The following NALF1 variants were observed in gnomAD, a reference collection of about 807,000 sequenced individuals.
NALF1 encodes NALCN channel auxiliary factor 1, also known as family with sequence similarity 155 member A.
Under a neutral mutation model 48.4 loss-of-function variants are expected in NALF1, and 3 were observed. The observed-to-expected ratio is 0.06, with a 90% CI of 0.03 to 0.16. The LOEUF (loss-of-function observed/expected upper bound fraction) is 0.16. Among genes scored for constraint, NALF1 ranks in the 10% least tolerant of loss-of-function variants. The probability of loss-of-function intolerance (pLI) is 1.00; values close to 1 mark genes in which losing one functional copy is unlikely to be tolerated. For missense variants in NALF1, 526 were observed against 571.5 expected (o/e 0.92, Z 0.81); for synonymous variants, 262 against 245.7 (o/e 1.07, Z -0.62).
intron 1 of NALF1, among the ~76,000 whole-genome samples, chr13:107,727,608 C>T (rs1376391533): frequency 6.6e-6 from 1 of 152,202 alleles, no homozygotes; most frequent in Non-Finnish European, 1.5e-5. Flanking sequence ...CCATTCAGGA[C>T]ACAGGCATGG....
At chr13:107,591,486 A>G (rs1021232856) in intron 1 of NALF1, among the ~76,000 whole-genome samples, 1 of 152,040 alleles carries the variant, frequency 6.6e-6, no homozygotes, top group African/African-American at 2.4e-5. Context: ...ATACACATCA[A>G]TTAAATGCCA....
At position 107,210,743 on chromosome 13, in the gene NALF1, C is replaced by A. The variant is rs1488133354; in HGVS notation, c.928G>T (p.Ala310Ser). ...TCAAAATACTGGGAACAGAGCCAGG[C>A]TTTGTAGACAATCTGAAAAAAAGAG... ...CPEDCKIVYK[A>S]WLCSQYFEVT... Residue 310 changes from alanine to serine, a missense_variant, in exon 2 of 3, where the codon GCC (alanine) becomes TCC (serine). This residue lies in a region of NALF1 where 153 missense variants were observed against 215.9 expected (regional missense o/e 0.71). Coordinates refer to ENST00000375915, the MANE Select transcript of NALF1 (RefSeq NM_001080396.3). 1.2e-6 allele frequency: 2 copies of A among 1,611,060 alleles called. No homozygotes were observed. Among genetic ancestry groups the A allele is most frequent in the Non-Finnish European group, 8.5e-7 (1 of 1,177,522 alleles).
intron 1 of NALF1, among the ~76,000 whole-genome samples, chr13:107,404,594 G>C (rs572294988): frequency 6.6e-6 from 1 of 151,998 alleles, no homozygotes. Flanking sequence ...AACAAATTTG[G>C]TATTGAACAA....
chr13:107,581,842 T>A (rs1566402447), intron 1 of NALF1, among the ~76,000 whole-genome samples: 1 of 152,148 alleles, frequency 6.6e-6, no homozygotes, highest in East Asian at 1.9e-4. Flanking sequence ...ATTAAAATAG[T>A]CTCCCATTTT....
At chr13:107,389,425 T>G (rs1239453161) in intron 1 of NALF1, among the ~76,000 whole-genome samples, 1 of 152,120 alleles carries the variant, frequency 6.6e-6, no homozygotes, top group Non-Finnish European at 1.5e-5. Flanking sequence ...TGGATACATG[T>G]GTAGAAGAAA....
chr13:107,618,989 T>G (rs1372125951), intron 1 of NALF1, among the ~76,000 whole-genome samples: 1 of 152,186 alleles, frequency 6.6e-6, no homozygotes, highest in Non-Finnish European at 1.5e-5. Context: ...TCAGGAACAG[T>G]GCGGTTACAC....
intron 1 of NALF1, among the ~76,000 whole-genome samples, chr13:107,246,789 C>T (rs1880594771): frequency 6.6e-6 from 1 of 152,026 alleles, no homozygotes; most frequent in Non-Finnish European, 1.5e-5. Context: ...GATAAATTGC[C>T]AAACATCATA....
intron 1 of NALF1, among the ~76,000 whole-genome samples, chr13:107,469,132 C>T (rs1885054843): frequency 6.6e-6 from 1 of 152,006 alleles, no homozygotes; most frequent in South Asian, 2.1e-4. Flanking sequence ...TAAAATTCTA[C>T]TCTATATTTA....
At chr13:107,378,592 T>A (rs1382421280) in intron 1 of NALF1, among the ~76,000 whole-genome samples, 1 of 152,186 alleles carries the variant, frequency 6.6e-6, no homozygotes, top group Non-Finnish European at 1.5e-5. Context: ...TTTATAGCCA[T>A]AAATACTATG....
intron 1 of NALF1, among the ~76,000 whole-genome samples, chr13:107,528,365 A>T (rs1000313908): frequency 6.6e-6 from 1 of 152,188 alleles, no homozygotes; most frequent in African/African-American, 2.4e-5. Flanking sequence ...TATTCTAACA[A>T]GTAACTGTGT....
chr13:107,700,923 T>G (rs1247690744), intron 1 of NALF1, among the ~76,000 whole-genome samples: 4 of 151,974 alleles, frequency 2.6e-5, no homozygotes, highest in Non-Finnish European at 5.9e-5. Context: ...AAATACAAAT[T>G]AAAACTTCTA....
intron 1 of NALF1, among the ~76,000 whole-genome samples, chr13:107,722,701 G>C (rs1419426746): frequency 1.3e-5 from 2 of 152,216 alleles, no homozygotes; most frequent in Admixed American, 6.5e-5. Context: ...CCACTCGTGG[G>C]GGGTCAGGGC....
At chr13:107,241,999 A>T (rs1880481181) in intron 1 of NALF1, among the ~76,000 whole-genome samples, 1 of 152,154 alleles carries the variant, frequency 6.6e-6, no homozygotes, top group South Asian at 2.1e-4. Flanking sequence ...TCTAGATGAT[A>T]TTGGGAAACA....
At chr13:107,504,459 T>C (rs372866237) in intron 1 of NALF1, among the ~76,000 whole-genome samples, 2 of 152,164 alleles carry the variant, frequency 1.3e-5, no homozygotes, top group African/African-American at 2.4e-5. Flanking sequence ...TGCGAGACGA[T>C]AGATATGTTA....
chr13:107,650,801 T>A (rs891746368), intron 1 of NALF1, among the ~76,000 whole-genome samples: 9 of 152,276 alleles, frequency 5.9e-5, no homozygotes, highest in African/African-American at 2.2e-4. Flanking sequence ...GACTATTTCA[T>A]CCTTAGCAAA....
chr13:107,474,544 C>T (rs1885149554), intron 1 of NALF1, among the ~76,000 whole-genome samples: 1 of 152,128 alleles, frequency 6.6e-6, no homozygotes, highest in South Asian at 2.1e-4. Context: ...ATGTCTTCAA[C>T]ATACTTTAAA....
At chr13:107,848,096 T>C (rs1296777591) in intron 1 of NALF1, among the ~76,000 whole-genome samples, 2 of 152,220 alleles carry the variant, frequency 1.3e-5, no homozygotes, top group Non-Finnish European at 2.9e-5. Context: ...GGATAATTCA[T>C]TGTTTGCCAC....
intron 1 of NALF1, among the ~76,000 whole-genome samples, chr13:107,565,453 G>A (rs1877782888): frequency 6.7e-6 from 1 of 149,952 alleles, no homozygotes. Flanking sequence ...AGGTGATAAA[G>A]TATGCCCAAA....
intron 1 of NALF1, among the ~76,000 whole-genome samples, chr13:107,496,816 A>C (rs187273123): frequency 6.9e-4 from 105 of 152,304 alleles, no homozygotes; most frequent in Admixed American, 1.4e-3. Context: ...GAGCTTGTGC[A>C]GGGAAACACC....
Sources: allele counts gnomAD v4.1 joint callset (sites outside exome capture counted in the v4.1 genomes callset), GRCh38; gene constraint gnomAD v4.1.1; regional missense constraint gnomAD v4.1.1; transcripts MANE v1.5; gene names NCBI Gene and HGNC (gene_info 2026-07-23, HGNC 2026-07-21).